SIAH2: variants seen among roughly 807,000 people sequenced by gnomAD.
SIAH2 encodes siah E3 ubiquitin protein ligase 2.
In SIAH2, 4 loss-of-function variants were observed where a neutral mutation model predicts 20.4. That is an observed-to-expected ratio of 0.20 (90% CI 0.10 to 0.45). The LOEUF is 0.45. SIAH2 is among the 20% of genes least tolerant of loss of function. SIAH2 has a pLI of 0.99. For synonymous variants in SIAH2, 171 were observed against 192.5 expected (o/e 0.89, Z 0.93); for missense variants, 259 against 440.3 (o/e 0.59, Z 3.69).
intron 1 of SIAH2, among the ~76,000 whole-genome samples, chr3:150,757,785 C>A (rs1035005429): frequency 6.6e-6 from 1 of 151,896 alleles, no homozygotes; most frequent in African/African-American, 2.4e-5. Context: ...GTATCAAGAC[C>A]AGCCTGGGCA....
rs187624845 is a variant in SIAH2, at chr3:150,750,361, T to A, written c.418-7663A>T. 6.6e-5 allele frequency among the ~76,000 whole-genome samples: 10 copies of A among 152,346 alleles called. No homozygotes were observed. In the East Asian group the frequency reaches 1.9e-3, roughly 29 times the overall value. ...ATATTTGTTGATGAATGAATAAATGTTAGATGTATCTGCCGAAGATGGAAT... is the reference window on the plus strand; with the variant it reads ...ATATTTGTTGATGAATGAATAAATGATAGATGTATCTGCCGAAGATGGAAT... On this transcript the variant is annotated intron_variant, in intron 1 of 1. Transcript: ENST00000312960.
rs148462382 is a variant in SIAH2, at chr3:150,744,282, A to G, written c.418-1584T>C. Among the ~76,000 whole-genome samples, 791 of 152,322 alleles carry G rather than the reference A, an allele frequency of 5.2e-3. 15 individuals carry two copies. The South Asian group carries it at 0.073, about 14-fold the overall frequency. Reference sequence around the variant, plus strand: ...GAAAGGAGAGTGGCTTAAAGAAAGAAATGTAGCTCATCCTCCAACCCCCAC... The same window carrying G: ...GAAAGGAGAGTGGCTTAAAGAAAGAGATGTAGCTCATCCTCCAACCCCCAC... On this transcript the variant is annotated intron_variant, in intron 1 of 1. Transcript: ENST00000312960.
At chr3:150,748,885 G>A (rs1368258844) in intron 1 of SIAH2, among the ~76,000 whole-genome samples, 2 of 152,166 alleles carry the variant, frequency 1.3e-5, no homozygotes, top group African/African-American at 4.8e-5. Context: ...ATTCATTACT[G>A]GGGCAAAAGC....
intron 1 of SIAH2, among the ~76,000 whole-genome samples, chr3:150,754,526 A>AT (rs1437796194): frequency 6.6e-6 from 1 of 152,156 alleles, no homozygotes; most frequent in East Asian, 1.9e-4. Context: ...ATGAGACTTG[A>AT]TGGGGACATA....
At chr3:150,754,547 A>G (rs1714441744) in intron 1 of SIAH2, among the ~76,000 whole-genome samples, 1 of 152,178 alleles carries the variant, frequency 6.6e-6, no homozygotes, top group Non-Finnish European at 1.5e-5. Context: ...GACCCAAACC[A>G]TATCACCATC....
intron 1 of SIAH2, among the ~76,000 whole-genome samples, chr3:150,758,674 G>A (rs1463933050): frequency 1.4e-4 from 20 of 148,128 alleles, no homozygotes; most frequent in Admixed American, 9.5e-4. Context: ...GGGTTCAAGC[G>A]ATTCTCCTGC....
chr3:150,747,064 A>G (rs2108118435), intron 1 of SIAH2, among the ~76,000 whole-genome samples: 1 of 152,360 alleles, frequency 6.6e-6, no homozygotes, highest in South Asian at 2.1e-4. Context: ...ACTGCACACA[A>G]CAGCTCAGGA....
intron 1 of SIAH2, among the ~76,000 whole-genome samples, chr3:150,761,695 A>T (rs1240158350): frequency 6.6e-6 from 1 of 152,166 alleles, no homozygotes; most frequent in Non-Finnish European, 1.5e-5. Flanking sequence ...ATTTTTCGCA[A>T]GGGCATTGAA....
At chr3:150,747,498 G>T (rs1164674861) in intron 1 of SIAH2, among the ~76,000 whole-genome samples, 1 of 152,202 alleles carries the variant, frequency 6.6e-6, no homozygotes, top group Non-Finnish European at 1.5e-5. Flanking sequence ...TTCGCAGAGG[G>T]CTGCCTGTGT....
chr3:150,759,326 T>C (rs1714553557), intron 1 of SIAH2, among the ~76,000 whole-genome samples: 1 of 152,230 alleles, frequency 6.6e-6, no homozygotes, highest in Non-Finnish European at 1.5e-5. Flanking sequence ...AGAGCTGTGA[T>C]GATACCCCAC....
chr3:150,750,981 T>C (rs1413967373), intron 1 of SIAH2, among the ~76,000 whole-genome samples: 2 of 152,218 alleles, frequency 1.3e-5, no homozygotes, highest in African/African-American at 2.4e-5. Context: ...AAGTTAATCA[T>C]GTTAAGGCTT....
chr3:150,749,123 A>G (rs1178537504), intron 1 of SIAH2, among the ~76,000 whole-genome samples: 4 of 152,232 alleles, frequency 2.6e-5, no homozygotes, highest in Non-Finnish European at 1.5e-5. Flanking sequence ...AAAAGGAAAT[A>G]ACTGGTGAAT....
At chr3:150,750,508 T>C (rs1714331769) in intron 1 of SIAH2, among the ~76,000 whole-genome samples, 1 of 152,250 alleles carries the variant, frequency 6.6e-6, no homozygotes, top group Non-Finnish European at 1.5e-5. Context: ...TTTCAGGCAC[T>C]ATGGTTTTGT....
At chr3:150,754,564 GTTTTGT>G (rs1051670278) in intron 1 of SIAH2, among the ~76,000 whole-genome samples, 5 of 152,138 alleles carry the variant, frequency 3.3e-5, no homozygotes, top group Admixed American at 1.3e-4. Context: ...CATCTCACTT[GTTTTGT>G]TTTTGTTTTT....
In SIAH2 at chr3:150,762,544, G is replaced by T; in HGVS notation, c.306C>A (p.Asn102Lys). Reference protein sequence around the residue: ...LQCQAGHLVCNQCRQKLSCCP... With the variant: ...LQCQAGHLVCKQCRQKLSCCP... Reference sequence around the variant, plus strand: ...AGCAGCTCAACTTCTGGCGGCATTGGTTACACACCAGGTGCCCGGCCTGGC... The same window carrying T: ...AGCAGCTCAACTTCTGGCGGCATTGTTTACACACCAGGTGCCCGGCCTGGC... Residue 102 changes from asparagine to lysine, a missense_variant, in exon 1 of 2, where the codon AAC (asparagine) becomes AAA (lysine). Physicochemically the swap from Asn to Lys is moderately conservative, Grantham distance 94. Coordinates refer to ENST00000312960, the MANE Select transcript of SIAH2 (RefSeq NM_005067.7). The surrounding 1 kb of genome is among the most constrained non-coding windows in gnomAD (Gnocchi z 6.6). The T allele has an allele frequency of 6.2e-7, 1 of 1,613,626 alleles. No homozygotes were observed. Among genetic ancestry groups the T allele is most frequent in the Non-Finnish European group, 8.5e-7 (1 of 1,179,946 alleles).
intron 1 of SIAH2, among the ~76,000 whole-genome samples, chr3:150,756,354 C>T (rs1304449047): frequency 2.0e-5 from 3 of 152,174 alleles, no homozygotes; most frequent in Non-Finnish European, 4.4e-5. Context: ...CTACGTGCCC[C>T]TTTCAAGGAG....
At chr3:150,749,523 A>C (rs1714310779) in intron 1 of SIAH2, among the ~76,000 whole-genome samples, 1 of 152,170 alleles carries the variant, frequency 6.6e-6, no homozygotes, top group African/African-American at 2.4e-5. Context: ...TACATACATA[A>C]AAACATACTA....
At chr3:150,751,373 G>A (rs1476708276) in intron 1 of SIAH2, among the ~76,000 whole-genome samples, 2 of 151,932 alleles carry the variant, frequency 1.3e-5, no homozygotes, top group Non-Finnish European at 2.9e-5. Flanking sequence ...ACAGTGAGCC[G>A]AGATTACGCC....
intron 1 of SIAH2, among the ~76,000 whole-genome samples, chr3:150,756,496 C>T (rs1202403077): frequency 1.3e-5 from 2 of 152,196 alleles, no homozygotes; most frequent in South Asian, 2.1e-4. Flanking sequence ...AATGGGGCTT[C>T]AAAAAACAGC....
Sources: allele counts gnomAD v4.1 joint callset (sites outside exome capture counted in the v4.1 genomes callset), GRCh38; gene constraint gnomAD v4.1.1; non-coding constraint Gnocchi (gnomAD v3.1); transcripts MANE v1.5; gene names NCBI Gene and HGNC (gene_info 2026-07-23, HGNC 2026-07-21).